WWOX: variants seen among roughly 807,000 people sequenced by gnomAD.
WWOX encodes the protein WW domain containing oxidoreductase, also known as WW domain-containing oxidoreductase.
A neutral mutation model predicts 46.2 loss-of-function variants in WWOX; 69 were observed. That is an observed-to-expected ratio of 1.49 (90% CI 1.23 to 1.82). WWOX has a LOEUF of 1.82. Ranked by LOEUF, WWOX falls within the 40% of genes most tolerant of loss-of-function variation. The pLI, the probability that WWOX is intolerant of heterozygous loss-of-function variation, is 0.00. For missense variants in WWOX, 919 were observed against 542.6 expected (o/e 1.69, Z -6.89); for synonymous variants, 359 against 202.6 (o/e 1.77, Z -6.56).
At chr16:78,462,706 T>C (rs965622146) in intron 8 of WWOX, among the ~76,000 whole-genome samples, 1 of 152,146 alleles carries the variant, frequency 6.6e-6, no homozygotes, top group Non-Finnish European at 1.5e-5. Context: ...AAAGGTGCAA[T>C]AACATCTTAA....
At chr16:78,375,489 A>G (rs570779170) in intron 5 of WWOX, among the ~76,000 whole-genome samples, 37 of 152,332 alleles carry the variant, frequency 2.4e-4, no homozygotes, top group Admixed American at 1.8e-3. Flanking sequence ...GCTCAGTGCT[A>G]TTGACTGTGC....
At chr16:78,760,388 G>A (rs781341928) in intron 8 of WWOX, among the ~76,000 whole-genome samples, 1 of 152,142 alleles carries the variant, frequency 6.6e-6, no homozygotes, top group African/African-American at 2.4e-5. Flanking sequence ...CCATATCACA[G>A]GATAGTTCCC....
At chr16:78,524,524 G>A (rs1177270950) in intron 8 of WWOX, among the ~76,000 whole-genome samples, 3 of 151,556 alleles carry the variant, frequency 2.0e-5, no homozygotes, top group Admixed American at 1.3e-4. Context: ...GTGTCCAAGT[G>A]ATTCTTCTAC....
chr16:79,039,885 C>G (rs1384228798), intron 8 of WWOX, among the ~76,000 whole-genome samples: 2 of 152,182 alleles, frequency 1.3e-5, no homozygotes, highest in Non-Finnish European at 2.9e-5. Context: ...AAGCCACATT[C>G]CATGGACTGA....
intron 8 of WWOX, among the ~76,000 whole-genome samples, chr16:78,790,572 G>C (rs970525351): frequency 6.6e-6 from 1 of 152,188 alleles, no homozygotes; most frequent in Non-Finnish European, 1.5e-5. Flanking sequence ...TAACATGGAG[G>C]AGATAAGCAG....
At chr16:78,659,623 A>G (rs934389529) in intron 8 of WWOX, among the ~76,000 whole-genome samples, 12 of 152,004 alleles carry the variant, frequency 7.9e-5, no homozygotes, top group African/African-American at 2.9e-4. Context: ...GCACTGTACT[A>G]CTCATCTCTG....
At chr16:78,324,053 T>G (rs535177273) in intron 5 of WWOX, among the ~76,000 whole-genome samples, 1 of 152,254 alleles carries the variant, frequency 6.6e-6, no homozygotes, top group Admixed American at 6.5e-5. Context: ...AAAATCAATT[T>G]ACAGGTAGTT....
intron 8 of WWOX, among the ~76,000 whole-genome samples, chr16:78,504,905 A>G (rs2085155678): frequency 6.6e-6 from 1 of 152,178 alleles, no homozygotes; most frequent in Non-Finnish European, 1.5e-5. Context: ...ACCCACATTA[A>G]TTAATATAAA....
chr16:79,121,908 C>T (rs1157066871), intron 8 of WWOX, among the ~76,000 whole-genome samples: 2 of 152,086 alleles, frequency 1.3e-5, no homozygotes, highest in East Asian at 1.9e-4. Context: ...TTTAATATCC[C>T]ATCCAGCCCC....
At chr16:79,138,190 T>C (rs544248227) in intron 8 of WWOX, among the ~76,000 whole-genome samples, 24 of 152,224 alleles carry the variant, frequency 1.6e-4, no homozygotes, top group Non-Finnish European at 2.9e-4. Flanking sequence ...TGCCCCACTT[T>C]CCAAAGGCCA....
At chr16:78,184,203 G>C (rs1486137183) in intron 5 of WWOX, among the ~76,000 whole-genome samples, 1 of 152,104 alleles carries the variant, frequency 6.6e-6, no homozygotes, top group African/African-American at 2.4e-5. Flanking sequence ...GGAACTGTCA[G>C]GGTCCCAAAT....
intron 8 of WWOX, among the ~76,000 whole-genome samples, chr16:78,602,709 T>G (rs1039372013): frequency 3.3e-5 from 5 of 152,202 alleles, no homozygotes; most frequent in African/African-American, 1.2e-4. Context: ...TAACAATAAA[T>G]CATTTTTCTT....
At chr16:78,324,376 C>T (rs1753569745) in intron 5 of WWOX, among the ~76,000 whole-genome samples, 2 of 152,104 alleles carry the variant, frequency 1.3e-5, no homozygotes, top group African/African-American at 4.8e-5. Context: ...ACTTGGAAAA[C>T]AGTCGGCGGT....
intron 8 of WWOX, among the ~76,000 whole-genome samples, chr16:79,066,678 G>A (rs533903558): frequency 6.6e-6 from 1 of 152,182 alleles, no homozygotes; most frequent in Non-Finnish European, 1.5e-5. Context: ...TTCAATCGGC[G>A]AATTTGCATT....
At chr16:78,790,212 C>G (rs1205236986) in intron 8 of WWOX, among the ~76,000 whole-genome samples, 2 of 152,150 alleles carry the variant, frequency 1.3e-5, no homozygotes, top group African/African-American at 4.8e-5. Context: ...TCTCAGCTCA[C>G]TGCAACCTGC....
chr16:78,622,712 A>G (rs568814001), intron 8 of WWOX, among the ~76,000 whole-genome samples: 2 of 152,078 alleles, frequency 1.3e-5, no homozygotes, highest in Non-Finnish European at 2.9e-5. Flanking sequence ...CCAATAGAAT[A>G]TGAAAAAGAT....
intron 8 of WWOX, among the ~76,000 whole-genome samples, chr16:78,925,253 C>A (rs1347139469): frequency 6.6e-6 from 1 of 152,068 alleles, no homozygotes; most frequent in African/African-American, 2.4e-5. Context: ...GCCACATGAC[C>A]AAGGCTGATC....
chr16:78,579,241 T>C (rs55717983), intron 8 of WWOX, among the ~76,000 whole-genome samples: 5,643 of 152,290 alleles, frequency 0.037, 122 homozygotes, highest in African/African-American at 0.047. Context: ...TGCTTTGTTA[T>C]TACGTCACAG....
chr16:78,621,514 G>T (rs929399693), intron 8 of WWOX, among the ~76,000 whole-genome samples: 1 of 147,826 alleles, frequency 6.8e-6, no homozygotes, highest in East Asian at 2.0e-4. Flanking sequence ...ACTTCTATTT[G>T]GTAGTCTCAG....
Sources: gnomAD v4.1 joint callset for allele counts (sites outside exome capture counted in the v4.1 genomes callset) on GRCh38, gnomAD v4.1.1 for gene constraint, MANE v1.5 for transcripts, NCBI Gene and HGNC (gene_info 2026-07-23, HGNC 2026-07-21) for gene names.